Variants in ADAMTS17 observed in about 807,000 individuals in gnomAD.
ADAMTS17 encodes ADAM metallopeptidase with thrombospondin type 1 motif 17, also known as A disintegrin and metalloproteinase with thrombospondin motifs 17.
Under a neutral mutation model 141.5 loss-of-function variants are expected in ADAMTS17, and 113 were observed. That is an observed-to-expected ratio of 0.80 (90% CI 0.69 to 0.93). The LOEUF (loss-of-function observed/expected upper bound fraction) is 0.93, where lower values mean the gene tolerates loss of function less well. Ranked by LOEUF, ADAMTS17 falls within the 40% of genes least tolerant of loss-of-function variation. The pLI, the probability that ADAMTS17 is intolerant of heterozygous loss-of-function variation, is 0.00. For missense variants in ADAMTS17, 1,659 were observed against 1,517.9 expected, an observed-to-expected ratio of 1.09 and a Z score of -1.54; for synonymous variants, 768 against 630.6, an observed-to-expected ratio of 1.22 and a Z score of -3.27.
chr15:99,994,593 G>A (rs1300442723), intron 19 of ADAMTS17, among the ~76,000 whole-genome samples: 2 of 152,176 alleles, frequency 1.3e-5, no homozygotes, highest in Non-Finnish European at 2.9e-5. Context: ...TTGAGACGGA[G>A]TCTCGCTCTG....
intron 20 of ADAMTS17, among the ~76,000 whole-genome samples, chr15:99,983,940 T>A (rs2060531342): frequency 6.6e-6 from 1 of 152,086 alleles, no homozygotes; most frequent in East Asian, 1.9e-4. Context: ...CCCCGAGACT[T>A]GGCATGAGCG....
chr15:100,206,665 T>C (rs1385768993), intron 7 of ADAMTS17, among the ~76,000 whole-genome samples: 1 of 152,154 alleles, frequency 6.6e-6, no homozygotes, highest in Non-Finnish European at 1.5e-5. Context: ...AGAAGTGTGG[T>C]ATGTTTTGGC....
At chr15:100,001,213 C>A (rs1327730991) in intron 18 of ADAMTS17, among the ~76,000 whole-genome samples, 3 of 152,206 alleles carry the variant, frequency 2.0e-5, no homozygotes, top group African/African-American at 7.2e-5. Context: ...ATGCCCATTA[C>A]CCCTGAATCT....
At chr15:100,265,892 G>C (rs373024358) in intron 4 of ADAMTS17, among the ~76,000 whole-genome samples, 1 of 152,340 alleles carries the variant, frequency 6.6e-6, no homozygotes. Context: ...CACTGAATCA[G>C]AGACCCTGGG....
chr15:100,044,278 T>A (rs555322809), intron 18 of ADAMTS17, among the ~76,000 whole-genome samples: 147 of 152,304 alleles, frequency 9.7e-4, no homozygotes, highest in Admixed American at 2.3e-3. Context: ...CTCCTCTCCT[T>A]CTGTGACTCC....
chr15:100,153,131 A>G (rs1360472048), intron 9 of ADAMTS17, among the ~76,000 whole-genome samples: 1 of 152,244 alleles, frequency 6.6e-6, no homozygotes, highest in African/African-American at 2.4e-5. Context: ...AAAAACTATC[A>G]TGAATAAAGA....
chr15:100,060,034 C>T (rs960884008), intron 15 of ADAMTS17, among the ~76,000 whole-genome samples: 3 of 152,182 alleles, frequency 2.0e-5, no homozygotes, highest in Non-Finnish European at 2.9e-5. Flanking sequence ...ACCCAGAAAG[C>T]ACTCCATGGG....
At chr15:100,312,325 G>T (rs1390565093) in intron 3 of ADAMTS17, among the ~76,000 whole-genome samples, 1 of 152,150 alleles carries the variant, frequency 6.6e-6, no homozygotes, top group Admixed American at 6.5e-5. Flanking sequence ...CTTTGAAGGA[G>T]GGGGAAGAGG....
intron 10 of ADAMTS17, among the ~76,000 whole-genome samples, chr15:100,145,141 C>T (rs868364091): frequency 6.6e-6 from 1 of 152,106 alleles, no homozygotes. Flanking sequence ...ACACACACAT[C>T]CCCCAAAACT....
intron 8 of ADAMTS17, among the ~76,000 whole-genome samples, chr15:100,182,897 G>C (rs2040574739): frequency 2.0e-5 from 3 of 152,184 alleles, no homozygotes; most frequent in South Asian, 4.1e-4. Context: ...GCAGGCATAT[G>C]TCTTTCACTT....
intron 7 of ADAMTS17, among the ~76,000 whole-genome samples, chr15:100,237,662 C>T (rs1047159296): frequency 5.9e-5 from 9 of 152,162 alleles, no homozygotes; most frequent in Non-Finnish European, 8.8e-5. Flanking sequence ...CTCGCTCTGT[C>T]ACCCAGGCTG....
At chr15:100,194,347 C>T (rs2041033512) in intron 8 of ADAMTS17, among the ~76,000 whole-genome samples, 2 of 152,336 alleles carry the variant, frequency 1.3e-5, no homozygotes, top group South Asian at 4.1e-4. Context: ...CTCCCCTGGA[C>T]CTAGCTGCAG....
chr15:100,182,848 A>C (rs1250307123), intron 8 of ADAMTS17, among the ~76,000 whole-genome samples: 3 of 152,102 alleles, frequency 2.0e-5, no homozygotes, highest in South Asian at 2.1e-4. Flanking sequence ...AATTTCTTAG[A>C]GCTTATCCTA....
intron 4 of ADAMTS17, among the ~76,000 whole-genome samples, chr15:100,274,727 C>T (rs60865613): frequency 0.17 from 26,026 of 152,040 alleles, 2,416 homozygotes; most frequent in East Asian, 0.34. Flanking sequence ...TCCTATATGG[C>T]TTGTAATAGC....
intron 10 of ADAMTS17, among the ~76,000 whole-genome samples, chr15:100,146,274 C>A (rs569610836): frequency 1.3e-5 from 2 of 152,214 alleles, no homozygotes; most frequent in African/African-American, 4.8e-5. Flanking sequence ...ATGGAGGGAC[C>A]GGCTGAAGCC....
intron 12 of ADAMTS17, among the ~76,000 whole-genome samples, chr15:100,119,250 T>C (rs566252662): frequency 2.6e-5 from 4 of 152,242 alleles, no homozygotes; most frequent in East Asian, 1.9e-4. Context: ...AGCCGCCTGG[T>C]TGGGGGTCCT....
intron 7 of ADAMTS17, among the ~76,000 whole-genome samples, chr15:100,245,642 G>A (rs367960116): frequency 3.5e-4 from 53 of 152,322 alleles, no homozygotes; most frequent in African/African-American, 1.3e-3. Context: ...TTGGTCCCCT[G>A]GGGCAACTGG....
intron 15 of ADAMTS17, among the ~76,000 whole-genome samples, chr15:100,059,214 G>A (rs973991410): frequency 1.3e-5 from 2 of 152,242 alleles, no homozygotes; most frequent in African/African-American, 2.4e-5. Flanking sequence ...GAGGCCAGGC[G>A]TGGGTTTGGG....
chr15:100,248,732 C>T (rs1753589911), intron 7 of ADAMTS17, among the ~76,000 whole-genome samples: 1 of 152,152 alleles, frequency 6.6e-6, no homozygotes, highest in Non-Finnish European at 1.5e-5. Flanking sequence ...GCTATCCTTC[C>T]CATTCCAGCG....
Sources: gnomAD v4.1 joint callset for allele counts (sites outside exome capture counted in the v4.1 genomes callset) on GRCh38, gnomAD v4.1.1 for gene constraint, MANE v1.5 for transcripts, NCBI Gene and HGNC (gene_info 2026-07-23, HGNC 2026-07-21) for gene names.